The following UBE2D4 variants were observed in gnomAD, a reference collection of about 807,000 sequenced individuals.
UBE2D4 encodes the protein ubiquitin-conjugating enzyme E2 D4.
UBE2D4 carries 17 observed loss-of-function variants against 23.0 expected under a neutral mutation model. The observed-to-expected ratio is 0.74, with a 90% CI of 0.51 to 1.11. The LOEUF is 1.11. UBE2D4 is among the 50% of genes least tolerant of loss of function. The pLI, the probability that UBE2D4 is intolerant of heterozygous loss-of-function variation, is 0.00. For missense variants in UBE2D4, 139 were observed against 181.8 expected (o/e 0.76, Z 1.35); for synonymous variants, 61 against 69.4 (o/e 0.88, Z 0.60).
chr7:43,950,666 A>G lies in UBE2D4; in HGVS notation c.372A>G (p.Ala124=). ...NPDDPLVPEI[A]HTYKADREKY... ...ATGACCCCCTGGTGCCAGAGATAGC[A>G]CACACCTACAAGGCCGACAGAGAGA... Residue 124 remains alanine, a synonymous_variant, in exon 6 of 7, where the codon GCA becomes GCG. Coordinates refer to ENST00000222402, the MANE Select transcript of UBE2D4 (RefSeq NM_015983.4). 1 of 1,614,218 alleles carries G rather than the reference A, an allele frequency of 6.2e-7. No individual in the cohort carries two copies. Among genetic ancestry groups the G allele is most frequent in the African/African-American group, 1.3e-5 (1 of 75,052 alleles).
At chr7:43,926,776 G>A (rs1291561137) in intron 1 of UBE2D4, among the ~76,000 whole-genome samples, 1 of 151,696 alleles carries the variant, frequency 6.6e-6, no homozygotes, top group African/African-American at 2.4e-5. Flanking sequence ...TGGCCACGAG[G>A]GCTGCGTCAT....
rs915180249 is a variant in UBE2D4, at chr7:43,934,965, G to GA, written c.25-3456dup. On this transcript the variant is annotated intron_variant, in intron 1 of 6. Transcript: ENST00000222402. ...TGGTATTTTAGGTACTCAACTCAGG[G>GA]AAAAAAAAAATGTAACATAGCCTTG... Among the ~76,000 whole-genome samples, 66 of 148,300 alleles carry GA rather than the reference G, an allele frequency of 4.5e-4. 1 individual carries two copies. The highest frequency in any genetic ancestry group is 4.1e-3 in the South Asian group (19 of 4,682).
intron 1 of UBE2D4, among the ~76,000 whole-genome samples, chr7:43,927,299 CTT>C (rs71769283): frequency 0.09 from 11,840 of 130,958 alleles, 481 homozygotes; most frequent in Middle Eastern, 0.15. Context: ...GTATTTATAA[CTT>C]TTTTTTTTTT....
chr7:43,948,705 C>A lies in UBE2D4; in HGVS notation c.272C>A (p.Ser91Tyr), dbSNP rs776976381. Reference protein sequence around the residue: ...NGSICLDILRSQWSPALTVSK... With the variant: ...NGSICLDILRYQWSPALTVSK... The stretch of plus-strand genomic sequence containing the variant: ...AGCATCTGCCTTGATATCCTGCGGT[C>A]TCAGTGGTCTCCAGCGTTGACTGTG... Residue 91 changes from serine to tyrosine, a missense_variant, in exon 5 of 7, where the codon TCT becomes TAT. Physicochemically the swap from Ser to Tyr is moderately radical, Grantham distance 144. Transcript: ENST00000222402. The A allele has an allele frequency of 1.2e-5, 20 of 1,613,816 alleles. No individual in the cohort carries two copies. Among genetic ancestry groups the A allele is most frequent in the Non-Finnish European group, 1.7e-5 (20 of 1,179,928 alleles).
chr7:43,950,146 G>A (rs1307427296), intron 5 of UBE2D4, among the ~76,000 whole-genome samples: 2 of 152,162 alleles, frequency 1.3e-5, no homozygotes, highest in African/African-American at 4.8e-5. Flanking sequence ...AAGAGCCACC[G>A]CACCTGGTCC....
rs2096007752 is a variant in UBE2D4, at chr7:43,953,626, CA to C, written c.*932del. On this transcript the variant is annotated 3_prime_UTR_variant, in exon 7 of 7. Coordinates refer to ENST00000222402, the MANE Select transcript of UBE2D4 (RefSeq NM_015983.4). ...CAAAACAGAAGATACACACTATTAA[CA>C]GTTATTTGAAGCCTTAAATTACAAT... 5.9e-6 allele frequency: 1 copy of C among 169,498 alleles called. No individual in the cohort carries two copies. The highest frequency in any genetic ancestry group is 1.4e-4 in the South Asian group (1 of 7,150). 10.5% of individuals were successfully genotyped at this position (169,498 alleles called of 1,614,324 possible).
At chr7:43,952,429 T>A (rs2096004849) in intron 6 of UBE2D4, 1 of 508,286 alleles carries the variant, frequency 2.0e-6, no homozygotes, top group Non-Finnish European at 3.6e-6. Flanking sequence ...AATCAACAGT[T>A]TGGGGTTTAC....
chr7:43,934,215 T>C (rs1347265826), intron 1 of UBE2D4, among the ~76,000 whole-genome samples: 2 of 152,132 alleles, frequency 1.3e-5, no homozygotes, highest in South Asian at 2.1e-4. Flanking sequence ...TTTTTTTTTT[T>C]CTGGAATACG....
intron 1 of UBE2D4, among the ~76,000 whole-genome samples, chr7:43,933,058 CAT>C (rs1228752936): frequency 1.6e-4 from 21 of 132,084 alleles, no homozygotes; most frequent in African/African-American, 4.0e-4. Context: ...ATATATATAA[CAT>C]ATATACACAC....
intron 1 of UBE2D4, among the ~76,000 whole-genome samples, chr7:43,929,787 G>T (rs953990501): frequency 6.6e-6 from 1 of 152,116 alleles, no homozygotes; most frequent in Non-Finnish European, 1.5e-5. Context: ...ACATTCACAA[G>T]GCCCTGCAAA....
At chr7:43,941,209 C>T (rs1275883165) in intron 2 of UBE2D4, 1 of 152,190 alleles carries the variant, frequency 6.6e-6, no homozygotes, top group East Asian at 1.9e-4. Context: ...ACAGAATTCT[C>T]TTGGTAATAA....
intron 4 of UBE2D4, among the ~76,000 whole-genome samples, chr7:43,948,412 A>G (rs1180309674): frequency 6.6e-6 from 1 of 152,192 alleles, no homozygotes; most frequent in East Asian, 1.9e-4. Context: ...TATGTTCAGA[A>G]TGAGAATCCA....
chr7:43,937,781 T>A (rs563467009), intron 1 of UBE2D4, among the ~76,000 whole-genome samples: 1 of 152,098 alleles, frequency 6.6e-6, no homozygotes, highest in Non-Finnish European at 1.5e-5. Context: ...TTGGCTTAGT[T>A]CAGGGTTGGT....
chr7:43,942,415 C>A, intron 2 of UBE2D4: 1 of 331,278 alleles, frequency 3.0e-6, no homozygotes, highest in East Asian at 7.1e-5. Flanking sequence ...ATAAGTCAGT[C>A]ATGCTCTCAG....
rs1297553115 is a variant in UBE2D4 at position 43,954,826 on chromosome 7, T to C, written c.*2131T>C. ...GGGAAGGTGGGACTGATTCACATGT[T>C]AGAGACAGGTCAGATGGGAAAATTA... On this transcript the variant is annotated 3_prime_UTR_variant, in exon 7 of 7. Transcript: ENST00000222402. 6.6e-6 allele frequency: 1 copy of C among 152,228 alleles called. No homozygotes were observed. The highest frequency in any genetic ancestry group is 1.5e-5 in the Non-Finnish European group (1 of 68,050). The allele number at this position is 152,228 out of a possible 1,614,324, so 9.4% of individuals were successfully genotyped here. A position where few individuals can be genotyped will look rare whatever the true frequency, so the allele number is the denominator to read the frequency against.
Position 43,952,950 on chromosome 7 carries a change from A to ATC in UBE2D4, c.*265_*266dup. 2.3e-6 allele frequency: 1 copy of ATC among 440,132 alleles called. No individual in the cohort carries two copies. The highest frequency in any genetic ancestry group is 2.0e-5 in the South Asian group (1 of 49,246). 27.3% of individuals were successfully genotyped at this position (440,132 alleles called of 1,614,324 possible). On this transcript the variant is annotated 3_prime_UTR_variant, in exon 7 of 7. Transcript: ENST00000222402. ...CTGCAGTCTTCCTGGTGACACTGGA[A>ATC]TCTCTCTCTCTGCCGCCTCAGTTTG...
chr7:43,934,387 G>A (rs1429985326), intron 1 of UBE2D4, among the ~76,000 whole-genome samples: 2 of 151,756 alleles, frequency 1.3e-5, no homozygotes, highest in East Asian at 3.9e-4. Context: ...TCAGTGTTGG[G>A]CTCTGAATGG....
chr7:43,932,551 G>C (rs2095948228), intron 1 of UBE2D4, among the ~76,000 whole-genome samples: 1 of 152,172 alleles, frequency 6.6e-6, no homozygotes, highest in Non-Finnish European at 1.5e-5. Context: ...TCAGCACTTT[G>C]GGAGGCCGAG....
intron 2 of UBE2D4, chr7:43,941,435 A>C (rs2527811): frequency 0.44 from 67,502 of 152,178 alleles, 15,373 homozygotes; most frequent in East Asian, 0.61. Flanking sequence ...AGAGGGTGTG[A>C]TGTGCAGCAA....
Sources: allele counts gnomAD v4.1 joint callset (sites outside exome capture counted in the v4.1 genomes callset), GRCh38; gene constraint gnomAD v4.1.1; transcripts MANE v1.5; gene names NCBI Gene and HGNC (gene_info 2026-07-23, HGNC 2026-07-21).